The following APOL3 variants were observed in gnomAD, a reference collection of about 807,000 sequenced individuals.
APOL3 encodes apolipoprotein L3.
Under a neutral mutation model 11.6 loss-of-function variants are expected in APOL3, and 14 were observed. The ratio of observed to expected loss-of-function variants is 1.21; its 90% confidence interval spans 0.80 to 1.89. APOL3 has a LOEUF of 1.89. APOL3 is among the 40% of genes most tolerant of loss of function. The pLI is 0.00. For missense variants in APOL3, 483 were observed against 492.1 expected, an observed-to-expected ratio of 0.98 and a Z score of 0.17; for synonymous variants, 192 against 190.6, an observed-to-expected ratio of 1.01 and a Z score of -0.06.
rs1375263381 is a variant in APOL3, at chr22:36,142,116, C to T, written c.351-58G>A. On this transcript the variant is annotated intron_variant, in intron 2 of 2. Coordinates refer to ENST00000349314, the Ensembl canonical transcript of APOL3. ...GCAGCTTACTTATCTGTAAAATCAG[C>T]TCAATAAGATCTGTTCTACATAAAT... 3 of 1,521,074 alleles carry T rather than the reference C, an allele frequency of 2.0e-6. No individual in the cohort carries two copies. The African/African-American group carries it at 4.2e-5, about 21-fold the overall frequency. 94.2% of individuals were successfully genotyped at this position (1,521,074 alleles called of 1,614,324 possible).
exon 3 of APOL3, chr22:36,141,968 C>T (rs1420622068): frequency 1.9e-6 from 3 of 1,614,120 alleles, no homozygotes; most frequent in African/African-American, 1.3e-5. Context: ...ATTCCCTAAA[C>T]TGCTCATCTT....
At chr22:36,163,465 G>A (rs188090713), upstream of APOL3, among the ~76,000 whole-genome samples, 303 of 152,326 alleles carry the variant, frequency 2.0e-3, 2 homozygotes, top group African/African-American at 6.7e-3. Context: ...CACAGCTTCT[G>A]AAGATCGTTT....
Position 36,142,073 on chromosome 22 carries a change from G to C in APOL3, c.351-15C>G, listed in dbSNP as rs202197310. 95 of 1,576,714 alleles carry C rather than the reference G, an allele frequency of 6.0e-5. No homozygotes were observed. The highest frequency in any genetic ancestry group is 1.8e-5 in the Non-Finnish European group (21 of 1,163,184). ...CTGCCTCATCCCTGTACCAATAAAG[G>C]ACAGATGATTAAGAAAGGCAGCTTA... On this transcript the variant is annotated splice_polypyrimidine_tract_variant and intron_variant, in intron 2 of 2. Transcript: ENST00000349314.
exon 3 of APOL3, chr22:36,141,266 C>A (rs1205093615): frequency 9.9e-6 from 16 of 1,614,156 alleles, no homozygotes; most frequent in Non-Finnish European, 1.4e-5. Context: ...TCTCCTCCAG[C>A]TCCTGAGCCT....
At chr22:36,156,459 C>T (rs970820393) in intron 1 of APOL3, among the ~76,000 whole-genome samples, 4 of 152,156 alleles carry the variant, frequency 2.6e-5, no homozygotes, top group Non-Finnish European at 4.4e-5. Context: ...ACTGGGCACA[C>T]GGGCTCCTAC....
upstream of APOL3, among the ~76,000 whole-genome samples, chr22:36,161,918 A>G (rs1216593219): frequency 6.6e-6 from 1 of 152,132 alleles, no homozygotes; most frequent in African/African-American, 2.4e-5. Context: ...GGCTTGCAAG[A>G]CTGCATCCTT....
intron 1 of APOL3, among the ~76,000 whole-genome samples, chr22:36,147,298 C>A (rs2060255796): frequency 6.6e-6 from 1 of 152,172 alleles, no homozygotes; most frequent in Non-Finnish European, 1.5e-5. Flanking sequence ...GGCAGGGGAG[C>A]AAGACCCTCA....
chr22:36,148,677 C>T (rs535465052), intron 1 of APOL3, among the ~76,000 whole-genome samples: 2 of 152,164 alleles, frequency 1.3e-5, no homozygotes, highest in Non-Finnish European at 2.9e-5. Context: ...GGTCAGAGGT[C>T]GGGACTGCTG....
At chr22:36,152,379 T>G (rs961205590) in intron 1 of APOL3, among the ~76,000 whole-genome samples, 1 of 152,208 alleles carries the variant, frequency 6.6e-6, no homozygotes, top group African/African-American at 2.4e-5. Context: ...ATGTAAACAC[T>G]TGGTTAACTT....
chr22:36,149,626 T>C (rs1278108864), intron 1 of APOL3: 1 of 359,754 alleles, frequency 2.8e-6, no homozygotes, highest in Admixed American at 3.7e-5. Context: ...GGCTCCCATT[T>C]TGAAACAGAA....
chr22:36,159,844 T>G (rs1356808746), intron 1 of APOL3, among the ~76,000 whole-genome samples: 1 of 151,890 alleles, frequency 6.6e-6, no homozygotes, highest in Non-Finnish European at 1.5e-5. Flanking sequence ...TGAAACAACC[T>G]CTGGGTTCCT....
At chr22:36,162,012 C>T (rs1026422799), upstream of APOL3, among the ~76,000 whole-genome samples, 4 of 152,138 alleles carry the variant, frequency 2.6e-5, no homozygotes, top group South Asian at 2.1e-4. Flanking sequence ...AACCTTCTGG[C>T]GGCGGGTGCA....
At chr22:36,144,376 T>C (rs2060109521) in intron 2 of APOL3, among the ~76,000 whole-genome samples, 1 of 152,048 alleles carries the variant, frequency 6.6e-6, no homozygotes, top group Non-Finnish European at 1.5e-5. Context: ...TGCTACTTGG[T>C]TCCCCACCTC....
intron 1 of APOL3, 131 bp from the exon 3 acceptor site, chr22:36,145,730 G>C (rs1816045725): frequency 8.8e-7 from 1 of 1,132,874 alleles, no homozygotes; most frequent in Admixed American, 2.3e-5. Context: ...GGAGGCATCA[G>C]TGCTATAGAC....
chr22:36,141,764 C>A (rs145617479), exon 3 of APOL3: 9 of 1,614,040 alleles, frequency 5.6e-6, no homozygotes, highest in African/African-American at 4.0e-5. Flanking sequence ...GGGCCAGACT[C>A]GTCCCTGCTG....
exon 3 of APOL3, chr22:36,141,992 T>C (rs768138080): frequency 6.2e-6 from 10 of 1,614,226 alleles, no homozygotes; most frequent in Non-Finnish European, 8.5e-6. Context: ...GCTGCACATA[T>C]TCGTCCTCAA....
intron 1 of APOL3, among the ~76,000 whole-genome samples, chr22:36,150,144 C>G (rs144346727): frequency 6.6e-6 from 1 of 152,100 alleles, no homozygotes; most frequent in African/African-American, 2.4e-5. Flanking sequence ...CAGAGAAACA[C>G]TCTTCACATT....
chr22:36,157,975 C>T (rs200864658), intron 1 of APOL3, among the ~76,000 whole-genome samples: 1 of 152,030 alleles, frequency 6.6e-6, no homozygotes, highest in African/African-American at 2.4e-5. Context: ...GCTTGAACCC[C>T]GGAGGTGGAG....
intron 2 of APOL3, among the ~76,000 whole-genome samples, chr22:36,142,931 C>T (rs2060054223): frequency 6.6e-6 from 1 of 152,212 alleles, no homozygotes; most frequent in South Asian, 2.1e-4. Context: ...GCTGTCTGAG[C>T]ATTCTTGCTG....
Sources: gnomAD v4.1 joint callset for allele counts (sites outside exome capture counted in the v4.1 genomes callset) on GRCh38, gnomAD v4.1.1 for gene constraint, MANE v1.5 for transcripts, NCBI Gene and HGNC (gene_info 2026-07-23, HGNC 2026-07-21) for gene names.